Variants in ARHGEF26 observed in about 807,000 individuals in gnomAD.
ARHGEF26 encodes the protein Rho guanine nucleotide exchange factor 26.
Under a neutral mutation model 89.4 loss-of-function variants are expected in ARHGEF26, and 59 were observed. That is an observed-to-expected ratio of 0.66 (90% CI 0.54 to 0.82). The LOEUF is 0.82. Among genes scored for constraint, ARHGEF26 ranks in the 40% least tolerant of loss-of-function variants. The pLI, the probability that ARHGEF26 is intolerant of heterozygous loss-of-function variation, is 0.00. For synonymous variants in ARHGEF26, 500 were observed against 428.4 expected (o/e 1.17, Z -2.06); for missense variants, 1,234 against 1,085.6 (o/e 1.14, Z -1.92).
At chr3:154,137,517 T>C (rs1719085182) in intron 4 of ARHGEF26, among the ~76,000 whole-genome samples, 1 of 152,176 alleles carries the variant, frequency 6.6e-6, no homozygotes. Context: ...TTAGAATTAC[T>C]ACTCTAGCTA....
intron 11 of ARHGEF26, among the ~76,000 whole-genome samples, chr3:154,228,211 C>T (rs1430508385): frequency 6.8e-6 from 1 of 147,794 alleles, no homozygotes; most frequent in African/African-American, 2.5e-5. Flanking sequence ...ATCTCTGGTT[C>T]ACTGCAACCT....
rs539267608 is a variant in ARHGEF26 at position 154,221,360 on chromosome 3, G to A, written c.1935+3402G>A. Among the ~76,000 whole-genome samples the A allele has an allele frequency of 5.3e-5, 8 of 152,220 alleles. No homozygotes were observed. In the South Asian group the frequency reaches 1.5e-3, roughly 28 times the overall value. ...TTTATTGATGGAATTGGAGAAAAAG[G>A]CATTTTTATATGTTGCTGGTGGGAA... On this transcript the variant is annotated intron_variant, in intron 10 of 14. Coordinates refer to ENST00000465093, the MANE Select transcript of ARHGEF26 (RefSeq NM_015595.4).
intron 11 of ARHGEF26, among the ~76,000 whole-genome samples, chr3:154,228,157 C>T (rs187708711): frequency 2.8e-5 from 4 of 141,596 alleles, no homozygotes; most frequent in East Asian, 4.1e-4. Flanking sequence ...TTTTTTGAGA[C>T]GGGCGTTTTG....
At chr3:154,141,164 A>G (rs573088340) in intron 4 of ARHGEF26, among the ~76,000 whole-genome samples, 36 of 148,562 alleles carry the variant, frequency 2.4e-4, no homozygotes, top group Non-Finnish European at 4.8e-4. Context: ...ACGGGGTTTC[A>G]CCGTGTTAGC....
At position 154,122,995 on chromosome 3, in the gene ARHGEF26, A is replaced by G. The variant is rs1319465020; in HGVS notation, c.1003A>G (p.Lys335Glu). The change falls in exon 2 of 15, where the codon AAG becomes GAG. Residue 335 changes from lysine to glutamate, a missense_variant. Lys to Glu is a moderately conservative substitution (Grantham distance 56). Coordinates refer to ENST00000465093, the MANE Select transcript of ARHGEF26 (RefSeq NM_015595.4). ...FDFDSPTSSK[K>E]KNRMSQPVLK... Reference sequence around the variant, plus strand: ...TTTTGACAGTCCTACCAGCTCGAAGAAGAAGAACAGAATGTCCCAGCCTGT... The same window carrying G: ...TTTTGACAGTCCTACCAGCTCGAAGGAGAAGAACAGAATGTCCCAGCCTGT... 1 of 1,613,822 alleles carries G rather than the reference A, an allele frequency of 6.2e-7. No individual in the cohort carries two copies. Among genetic ancestry groups the G allele is most frequent in the African/African-American group, 1.3e-5 (1 of 74,922 alleles).
chr3:154,164,812 A>G (rs1052260554), intron 6 of ARHGEF26, among the ~76,000 whole-genome samples: 32 of 152,268 alleles, frequency 2.1e-4, no homozygotes, highest in African/African-American at 7.5e-4. Context: ...TTAGGTGTAC[A>G]TTTGTGAATG....
In ARHGEF26 at chr3:154,171,481, ATAG is replaced by A. The variant is rs1396915493; in HGVS notation, c.1488-16202_1488-16200del. On this transcript the variant is annotated intron_variant, in intron 6 of 14. Coordinates refer to ENST00000465093, the MANE Select transcript of ARHGEF26 (RefSeq NM_015595.4). ...TTCATCATTATTAGTATCATACAGA[ATAG>A]TTTCACTGCTCTAAATATCCTCTGT... Among the ~76,000 whole-genome samples, 6 of 152,214 alleles carry A rather than the reference ATAG, an allele frequency of 3.9e-5. No homozygotes were observed. The East Asian group carries it at 9.6e-4, about 24-fold the overall frequency.
In ARHGEF26 at chr3:154,254,636, G is replaced by T. The variant is rs1019472089; in HGVS notation, c.2369-84G>T. On this transcript the variant is annotated intron_variant, in intron 13 of 14. Coordinates refer to ENST00000465093, the MANE Select transcript of ARHGEF26 (RefSeq NM_015595.4). Reference sequence around the variant, plus strand: ...CTCAATGCTGGCCCTGAATTGCAGAGAAAAATAAGTAAGTGTACATTATTG... The same window carrying T: ...CTCAATGCTGGCCCTGAATTGCAGATAAAAATAAGTAAGTGTACATTATTG... 8 of 1,066,528 alleles carry T rather than the reference G, an allele frequency of 7.5e-6. No individual in the cohort carries two copies. The African/African-American group carries it at 1.3e-4, about 17-fold the overall frequency. The allele number at this position is 1,066,528 out of a possible 1,614,324, so 66.1% of individuals were successfully genotyped here. A position where few individuals can be genotyped will look rare whatever the true frequency, so the allele number is the denominator to read the frequency against.
chr3:154,215,794 T>C (rs192376187), intron 9 of ARHGEF26, among the ~76,000 whole-genome samples: 554 of 152,302 alleles, frequency 3.6e-3, no homozygotes, highest in Non-Finnish European at 6.5e-3. Flanking sequence ...ATGAGGACTC[T>C]ACTCTCATGA....
intron 6 of ARHGEF26, among the ~76,000 whole-genome samples, chr3:154,185,677 T>G (rs1312600708): frequency 6.6e-6 from 1 of 152,212 alleles, no homozygotes; most frequent in South Asian, 2.1e-4. Context: ...ATAGGCACTA[T>G]TGATTAAATC....
intron 10 of ARHGEF26, among the ~76,000 whole-genome samples, chr3:154,218,162 A>G (rs1320917869): frequency 6.6e-6 from 1 of 152,150 alleles, no homozygotes; most frequent in African/African-American, 2.4e-5. Context: ...GAAGCCAGGC[A>G]TTATCTAAGA....
intron 14 of ARHGEF26, 29 bp downstream of exon 14, chr3:154,254,853 C>G (rs756032219): frequency 1.5e-5 from 24 of 1,588,384 alleles, no homozygotes; most frequent in Non-Finnish European, 1.7e-5. Flanking sequence ...ATGGGACACT[C>G]GTGGTCCAGG....
chr3:154,232,930 C>T lies in ARHGEF26; in HGVS notation c.2090+6920C>T, dbSNP rs543745667. ...GCAACCTCCAACTCCTGGGTTCAAGCGATTCTCCTGCCTCAGCCTCCGGAG... is the reference window on the plus strand; with the variant it reads ...GCAACCTCCAACTCCTGGGTTCAAGTGATTCTCCTGCCTCAGCCTCCGGAG... On this transcript the variant is annotated intron_variant, in intron 11 of 14. Transcript: ENST00000465093. 4.6e-5 allele frequency among the ~76,000 whole-genome samples: 7 copies of T among 151,896 alleles called. No individual in the cohort carries two copies. The South Asian group carries it at 6.2e-4, about 14-fold the overall frequency.
At chr3:154,205,349 A>T (rs902895632) in intron 9 of ARHGEF26, among the ~76,000 whole-genome samples, 109 of 151,778 alleles carry the variant, frequency 7.2e-4, no homozygotes, top group African/African-American at 2.6e-3. Flanking sequence ...TTTGGTTTCC[A>T]TTGACGTGGA....
At position 154,227,526 on chromosome 3, in the gene ARHGEF26, C is replaced by T. The variant is rs562156771; in HGVS notation, c.2090+1516C>T. 1.6e-4 allele frequency among the ~76,000 whole-genome samples: 25 copies of T among 152,314 alleles called. No individual in the cohort carries two copies. The South Asian group carries it at 5.2e-3, about 32-fold the overall frequency. The stretch of plus-strand genomic sequence containing the variant: ...TCAATCTCCTGACCTCGTGATCTGC[C>T]TGCCTCAGCTTCCTAAAGTGCTGGG... On this transcript the variant is annotated intron_variant, in intron 11 of 14. Coordinates refer to ENST00000465093, the MANE Select transcript of ARHGEF26 (RefSeq NM_015595.4).
intron 4 of ARHGEF26, among the ~76,000 whole-genome samples, chr3:154,147,106 G>A (rs951870262): frequency 6.6e-6 from 1 of 152,174 alleles, no homozygotes; most frequent in Non-Finnish European, 1.5e-5. Flanking sequence ...GGTATGAAAT[G>A]TATATTTTAA....
chr3:154,246,305 G>A (rs1488741446), intron 12 of ARHGEF26, among the ~76,000 whole-genome samples: 1 of 152,130 alleles, frequency 6.6e-6, no homozygotes, highest in Admixed American at 6.5e-5. Flanking sequence ...CTCAAACTTG[G>A]CTTGAACATG....
At chr3:154,193,870 A>G (rs1714111297) in intron 8 of ARHGEF26, among the ~76,000 whole-genome samples, 1 of 148,728 alleles carries the variant, frequency 6.7e-6, no homozygotes, top group Non-Finnish European at 1.5e-5. Flanking sequence ...TTTCTTTGAG[A>G]TGCTGTCACC....
intron 6 of ARHGEF26, among the ~76,000 whole-genome samples, chr3:154,153,482 T>A (rs1309115930): frequency 6.6e-6 from 1 of 152,078 alleles, no homozygotes; most frequent in Admixed American, 6.6e-5. Context: ...AGTATATACA[T>A]TGGATGTTTT....
Sources: gnomAD v4.1 joint callset for allele counts (sites outside exome capture counted in the v4.1 genomes callset) on GRCh38, gnomAD v4.1.1 for gene constraint, MANE v1.5 for transcripts, NCBI Gene and HGNC (gene_info 2026-07-23, HGNC 2026-07-21) for gene names.